Variants in NALF1 observed in about 807,000 individuals in gnomAD.
NALF1 encodes the protein NALCN channel auxiliary factor 1, also known as family with sequence similarity 155 member A.
A neutral mutation model predicts 48.4 loss-of-function variants in NALF1; 3 were observed. That is an observed-to-expected ratio of 0.06 (90% CI 0.03 to 0.16). The LOEUF is 0.16. NALF1 is among the 10% of genes least tolerant of loss of function. The pLI is 1.00. For synonymous variants in NALF1, 262 were observed against 245.7 expected (o/e 1.07, Z -0.62); for missense variants, 526 against 571.5 (o/e 0.92, Z 0.81).
intron 2 of NALF1, among the ~76,000 whole-genome samples, chr13:107,182,245 T>TGC (rs1387150968): frequency 1.1e-5 from 1 of 93,528 alleles, no homozygotes; most frequent in African/African-American, 5.5e-5. Context: ...TGTGTGTGTG[T>TGC]GTGTGTCCGT....
intron 1 of NALF1, among the ~76,000 whole-genome samples, chr13:107,679,634 G>A (rs1301217918): frequency 3.3e-5 from 5 of 152,206 alleles, no homozygotes; most frequent in Non-Finnish European, 7.3e-5. Context: ...GGTCAGGGAG[G>A]TGTCATTGCT....
intron 1 of NALF1, among the ~76,000 whole-genome samples, chr13:107,234,608 A>G (rs1410317217): frequency 6.6e-6 from 1 of 152,148 alleles, no homozygotes; most frequent in African/African-American, 2.4e-5. Context: ...CTCCGAGATC[A>G]TCTGCTCTCC....
chr13:107,524,309 T>C (rs1351393703), intron 1 of NALF1, among the ~76,000 whole-genome samples: 1 of 152,158 alleles, frequency 6.6e-6, no homozygotes, highest in Non-Finnish European at 1.5e-5. Flanking sequence ...AAAATGATTG[T>C]CTGCAGATCA....
chr13:107,411,410 C>A (rs1883989028), intron 1 of NALF1, among the ~76,000 whole-genome samples: 1 of 151,304 alleles, frequency 6.6e-6, no homozygotes, highest in Non-Finnish European at 1.5e-5. Context: ...CTCCTATGCT[C>A]AAGTGATACT....
At chr13:107,789,816 A>G (rs747674156) in intron 1 of NALF1, among the ~76,000 whole-genome samples, 4 of 152,214 alleles carry the variant, frequency 2.6e-5, no homozygotes, top group Admixed American at 6.5e-5. Flanking sequence ...GGTTATATTC[A>G]CCTAAATTCC....
intron 2 of NALF1, among the ~76,000 whole-genome samples, chr13:107,179,195 A>G (rs1272659761): frequency 2.0e-5 from 3 of 152,162 alleles, no homozygotes; most frequent in Admixed American, 2.0e-4. Context: ...AAGGAATGAG[A>G]TCCTGGTCAT....
chr13:107,318,147 GT>G (rs2138910988), intron 1 of NALF1, among the ~76,000 whole-genome samples: 1 of 152,038 alleles, frequency 6.6e-6, no homozygotes, highest in East Asian at 1.9e-4. Flanking sequence ...TATTAATTTT[GT>G]TTCATTTTAT....
At chr13:107,215,814 C>G (rs1247303577) in intron 1 of NALF1, among the ~76,000 whole-genome samples, 1 of 151,396 alleles carries the variant, frequency 6.6e-6, no homozygotes, top group Non-Finnish European at 1.5e-5. Flanking sequence ...TGTGCAGAAC[C>G]TTTCAAAAAA....
chr13:107,834,124 A>G (rs1285363271), intron 1 of NALF1, among the ~76,000 whole-genome samples: 1 of 152,186 alleles, frequency 6.6e-6, no homozygotes, highest in Non-Finnish European at 1.5e-5. Flanking sequence ...GTTATATAGC[A>G]TTTGCTTTGT....
intron 1 of NALF1, among the ~76,000 whole-genome samples, chr13:107,242,725 T>C (rs190093481): frequency 1.3e-5 from 2 of 152,298 alleles, no homozygotes; most frequent in African/African-American, 4.8e-5. Flanking sequence ...GCTCGGTTTA[T>C]AGTCTCCGTC....
intron 1 of NALF1, among the ~76,000 whole-genome samples, chr13:107,683,532 A>C (rs1881356431): frequency 6.6e-6 from 1 of 152,206 alleles, no homozygotes; most frequent in African/African-American, 2.4e-5. Flanking sequence ...ACCGAGCATT[A>C]GGTCTTCCTG....
At chr13:107,594,102 C>T (rs1230420638) in intron 1 of NALF1, among the ~76,000 whole-genome samples, 1 of 152,010 alleles carries the variant, frequency 6.6e-6, no homozygotes, top group Non-Finnish European at 1.5e-5. Flanking sequence ...TCCCTCAAAA[C>T]TGACACTCTA....
At chr13:107,601,231 GTGA>G (rs1878916211) in intron 1 of NALF1, among the ~76,000 whole-genome samples, 1 of 152,166 alleles carries the variant, frequency 6.6e-6, no homozygotes, top group Admixed American at 6.5e-5. Context: ...CAGGCTGGAG[GTGA>G]TGGGGAACTG....
intron 1 of NALF1, among the ~76,000 whole-genome samples, chr13:107,681,100 T>TG (rs1881290045): frequency 6.6e-6 from 1 of 152,170 alleles, no homozygotes; most frequent in African/African-American, 2.4e-5. Flanking sequence ...TCCCTGTTGA[T>TG]GGTCTTTCCC....
intron 1 of NALF1, among the ~76,000 whole-genome samples, chr13:107,435,100 G>A (rs1203569531): frequency 6.6e-6 from 1 of 151,824 alleles, no homozygotes; most frequent in African/African-American, 2.4e-5. Flanking sequence ...GGGGGTGGGG[G>A]GTAGTCTTAG....
intron 1 of NALF1, among the ~76,000 whole-genome samples, chr13:107,291,682 A>G (rs1348169411): frequency 2.0e-5 from 3 of 152,208 alleles, no homozygotes; most frequent in African/African-American, 4.8e-5. Flanking sequence ...TTTATCTGAT[A>G]TAGTTTATAT....
At chr13:107,568,703 T>G (rs1476490550) in intron 1 of NALF1, among the ~76,000 whole-genome samples, 11 of 152,238 alleles carry the variant, frequency 7.2e-5, no homozygotes, top group African/African-American at 2.7e-4. Context: ...TGGTTAATGA[T>G]GAAGATCTTT....
chr13:107,241,051 TA>T (rs34271681), intron 1 of NALF1, among the ~76,000 whole-genome samples: 4,084 of 66,330 alleles, frequency 0.062, 97 homozygotes, highest in Admixed American at 0.14. Context: ...CCATATCTAC[TA>T]AAAAAAAAAA....
intron 1 of NALF1, among the ~76,000 whole-genome samples, chr13:107,728,905 TACA>T (rs1876234360): frequency 6.6e-6 from 1 of 152,186 alleles, no homozygotes; most frequent in South Asian, 2.1e-4. Flanking sequence ...CTGAACTAGC[TACA>T]ACGAGAGAGA....
Sources: gnomAD v4.1 joint callset for allele counts (sites outside exome capture counted in the v4.1 genomes callset) on GRCh38, gnomAD v4.1.1 for gene constraint, MANE v1.5 for transcripts, NCBI Gene and HGNC (gene_info 2026-07-23, HGNC 2026-07-21) for gene names.